Variants in PKP4 observed in about 807,000 individuals in gnomAD.
PKP4 encodes plakophilin-4.
In PKP4, 90 loss-of-function variants were observed where a neutral mutation model predicts 145.1. The observed-to-expected ratio is 0.62, with a 90% confidence interval of 0.52 to 0.74. PKP4 has a LOEUF of 0.74. PKP4 is among the 30% of genes least tolerant of loss of function. The pLI is 0.00. For synonymous variants in PKP4, 563 were observed against 577.2 expected (o/e 0.98, Z 0.35); for missense variants, 1,340 against 1,482.7 (o/e 0.90, Z 1.58).
intron 1 of PKP4, among the ~76,000 whole-genome samples, chr2:158,507,659 G>A (rs1008824127): frequency 3.3e-5 from 5 of 152,066 alleles, no homozygotes; most frequent in African/African-American, 4.8e-5. Context: ...GTTCTTTTGT[G>A]ACCATCACAT....
At chr2:158,546,876 G>A (rs1417965109) in intron 2 of PKP4, among the ~76,000 whole-genome samples, 6 of 152,118 alleles carry the variant, frequency 3.9e-5, no homozygotes, top group African/African-American at 1.2e-4. Context: ...TTTTTATGCA[G>A]TAAGATAAGA....
intron 1 of PKP4, among the ~76,000 whole-genome samples, chr2:158,487,537 A>G (rs1183792058): frequency 6.6e-6 from 1 of 152,238 alleles, no homozygotes. Context: ...GAGGTGTCAT[A>G]TGCATAAAGT....
At position 158,527,644 on chromosome 2, in the gene PKP4, A is replaced by T. The variant is rs201270752; in HGVS notation, c.-5-5536A>T. Among the ~76,000 whole-genome samples the T allele has an allele frequency of 3.2e-4, 13 of 40,194 alleles. 1 individual carries two copies. In the East Asian group the frequency reaches 5.4e-3, roughly 17 times the overall value. The allele number at this position is 40,194 out of a possible 152,430, so 26.4% of individuals were successfully genotyped here. ...AGCCAAAATTGACAAATGGGATCTA[A>T]TTAAACTAAAGAGCTTCTGCACAGC... is the stretch of plus-strand genomic sequence containing the variant. On this transcript the variant is annotated intron_variant, in intron 1 of 21. Coordinates refer to ENST00000389759, the MANE Select transcript of PKP4 (RefSeq NM_003628.6).
chr2:158,647,586 T>C (rs965380919), intron 11 of PKP4, among the ~76,000 whole-genome samples: 2 of 100,950 alleles, frequency 2.0e-5, no homozygotes, highest in African/African-American at 5.4e-5. Flanking sequence ...AAAGGACTTT[T>C]CTTCAAATGT....
intron 1 of PKP4, among the ~76,000 whole-genome samples, chr2:158,489,024 A>G (rs1221285962): frequency 6.6e-6 from 1 of 152,186 alleles, no homozygotes; most frequent in Non-Finnish European, 1.5e-5. Flanking sequence ...TCATCTGTAC[A>G]ATGGAGTTGA....
At position 158,670,184 on chromosome 2, in the gene PKP4, G is replaced by A. The variant is rs369135014; in HGVS notation, c.2924+269G>A. Among the ~76,000 whole-genome samples, 9 of 152,250 alleles carry A rather than the reference G, an allele frequency of 5.9e-5. No individual in the cohort carries two copies. The East Asian group carries it at 9.7e-4, about 16-fold the overall frequency. On this transcript the variant is annotated intron_variant, in intron 17 of 21. Coordinates refer to ENST00000389759, the MANE Select transcript of PKP4 (RefSeq NM_003628.6). ...TCTGTCTTAGTCTGTTTGTTCTGCT[G>A]TAACAAAATGTTGTGAACTGGGTGG... is the stretch of plus-strand genomic sequence containing the variant.
intron 1 of PKP4, among the ~76,000 whole-genome samples, chr2:158,467,988 G>A (rs1031139255): frequency 1.3e-5 from 2 of 152,208 alleles, no homozygotes; most frequent in East Asian, 1.9e-4. Context: ...CTGTTTTATA[G>A]CCAAGTAATA....
intron 9 of PKP4, among the ~76,000 whole-genome samples, chr2:158,635,247 T>TGG (rs1321332003): frequency 6.6e-6 from 1 of 152,164 alleles, no homozygotes; most frequent in African/African-American, 2.4e-5. Flanking sequence ...TAAAGTTGAG[T>TGG]GGGAAATCCA....
At chr2:158,520,638 T>A (rs942012443) in intron 1 of PKP4, among the ~76,000 whole-genome samples, 1 of 152,200 alleles carries the variant, frequency 6.6e-6, no homozygotes, top group Non-Finnish European at 1.5e-5. Flanking sequence ...AGCAAGCACA[T>A]CTATGTAAGT....
intron 2 of PKP4, among the ~76,000 whole-genome samples, chr2:158,552,368 C>T (rs1258181824): frequency 3.3e-5 from 5 of 152,090 alleles, no homozygotes; most frequent in Non-Finnish European, 4.4e-5. Flanking sequence ...TGTGGTGATT[C>T]GTTATAGCAG....
At chr2:158,467,971 GTCTGT>G (rs567607363) in intron 1 of PKP4, among the ~76,000 whole-genome samples, 414 of 152,258 alleles carry the variant, frequency 2.7e-3, no homozygotes, top group Non-Finnish European at 4.4e-3. Flanking sequence ...TGTATCGATA[GTCTGT>G]TCTGTTTTAT....
At chr2:158,670,889 A>G (rs16843192) in intron 17 of PKP4, among the ~76,000 whole-genome samples, 1,684 of 152,284 alleles carry the variant, frequency 0.011, 31 homozygotes, top group African/African-American at 0.038. Context: ...AGCAGTGACT[A>G]TAAGTTTGCC....
chr2:158,560,241 A>G (rs1169485185), intron 2 of PKP4, among the ~76,000 whole-genome samples: 1 of 152,204 alleles, frequency 6.6e-6, no homozygotes, highest in Non-Finnish European at 1.5e-5. Context: ...GGGTTGTAAG[A>G]GTGCCTAATT....
chr2:158,591,782 T>C (rs2049295220), intron 3 of PKP4, among the ~76,000 whole-genome samples: 1 of 152,112 alleles, frequency 6.6e-6, no homozygotes, highest in South Asian at 2.1e-4. Flanking sequence ...CATAATATGT[T>C]CCACATACCA....
chr2:158,642,750 G>T (rs755795292), intron 11 of PKP4, 51 bp downstream of exon 11: 11 of 1,400,236 alleles, frequency 7.9e-6, no homozygotes, highest in Non-Finnish European at 1.1e-5. Context: ...AAACAGTCTG[G>T]ACTGTGCCCT....
chr2:158,541,591 T>G (rs2105662707), intron 2 of PKP4, among the ~76,000 whole-genome samples: 1 of 124,186 alleles, frequency 8.1e-6, no homozygotes, highest in East Asian at 3.8e-4. Flanking sequence ...GCAATTATAT[T>G]CTATATAATT....
intron 2 of PKP4, among the ~76,000 whole-genome samples, chr2:158,566,829 AACAC>A (rs754476802): frequency 1.3e-5 from 2 of 151,322 alleles, no homozygotes; most frequent in African/African-American, 2.4e-5. Flanking sequence ...TATATCTGCA[AACAC>A]ACACACACAC....
chr2:158,629,050 A>T (rs1172238560), intron 7 of PKP4, among the ~76,000 whole-genome samples: 1 of 152,232 alleles, frequency 6.6e-6, no homozygotes, highest in Admixed American at 6.5e-5. Context: ...TGTCTAAGGT[A>T]TTCATGGGCT....
At chr2:158,546,218 T>C (rs1196561544) in intron 2 of PKP4, among the ~76,000 whole-genome samples, 1 of 152,214 alleles carries the variant, frequency 6.6e-6, no homozygotes, top group Non-Finnish European at 1.5e-5. Context: ...TTAATCTTTT[T>C]AGATTCTTTT....
Sources: gnomAD v4.1 joint callset for allele counts (sites outside exome capture counted in the v4.1 genomes callset) on GRCh38, gnomAD v4.1.1 for gene constraint, MANE v1.5 for transcripts, NCBI Gene and HGNC (gene_info 2026-07-23, HGNC 2026-07-21) for gene names.